SMAD3: variants seen among roughly 807,000 people sequenced by gnomAD.
SMAD3 encodes SMAD family member 3.
A neutral mutation model predicts 51.8 loss-of-function variants in SMAD3; 12 were observed. That is an observed-to-expected ratio of 0.23 (90% CI 0.15 to 0.38). The LOEUF is 0.38. SMAD3 is among the 10% of genes least tolerant of loss of function. The pLI is 1.00. For synonymous variants in SMAD3, 238 were observed against 227.7 expected (o/e 1.05, Z -0.41); for missense variants, 294 against 565.6 (o/e 0.52, Z 4.87).
At chr15:67,182,778 C>T (rs555047768) in intron 6 of SMAD3, among the ~76,000 whole-genome samples, 7 of 151,612 alleles carry the variant, frequency 4.6e-5, no homozygotes, top group Non-Finnish European at 7.4e-5. Flanking sequence ...GTTCCCATTT[C>T]GCTTTTTGTT....
intron 1 of SMAD3, among the ~76,000 whole-genome samples, chr15:67,131,722 T>G (rs1159341787): frequency 6.6e-6 from 1 of 152,126 alleles, no homozygotes; most frequent in Non-Finnish European, 1.5e-5. Flanking sequence ...CAGGGTTGAG[T>G]CCTGGTCCTC....
At chr15:67,084,706 C>T (rs1187906835) in intron 1 of SMAD3, among the ~76,000 whole-genome samples, 1 of 152,112 alleles carries the variant, frequency 6.6e-6, no homozygotes, top group African/African-American at 2.4e-5. Flanking sequence ...CCCTGAGAAC[C>T]GACTCCCAGG....
chr15:67,190,588 G>A lies in SMAD3; in HGVS notation c.*52G>A. ...AGGCTTGGGGAAAATGGCCATGCAG[G>A]AGGTGGAGAAAATTGGAACTCTACT... On this transcript the variant is annotated 3_prime_UTR_variant, in exon 9 of 9. Transcript: ENST00000327367. The A allele has an allele frequency of 6.3e-7, 1 of 1,597,072 alleles. No homozygotes were observed. Among genetic ancestry groups the A allele is most frequent in the Non-Finnish European group, 8.6e-7 (1 of 1,165,708 alleles).
intron 1 of SMAD3, chr15:67,142,764 C>T (rs1406400750): frequency 2.4e-6 from 1 of 412,888 alleles, no homozygotes; most frequent in Non-Finnish European, 4.9e-6. Context: ...TTGATCTCAA[C>T]ATTTCAAGGA....
In SMAD3 at chr15:67,170,006, T is replaced by G. The variant is rs553177331; in HGVS notation, c.608-548T>G. Among the ~76,000 whole-genome samples, 34 of 152,262 alleles carry G rather than the reference T, an allele frequency of 2.2e-4. 1 individual carries two copies. In the East Asian group the frequency reaches 6.6e-3, roughly 29 times the overall value. ...GAGTTGCAGGGTTTCTGAGGCAGGTTTGTGAGTTTCCTGAAATTGATCTTT... is the reference window on the plus strand; with the variant it reads ...GAGTTGCAGGGTTTCTGAGGCAGGTGTGTGAGTTTCCTGAAATTGATCTTT... On this transcript the variant is annotated intron_variant, in intron 4 of 8. Transcript: ENST00000327367.
chr15:67,076,631 G>C (rs905860753), intron 1 of SMAD3, among the ~76,000 whole-genome samples: 11 of 152,230 alleles, frequency 7.2e-5, no homozygotes. Flanking sequence ...CACGCTTCAA[G>C]AGTCATGCTT....
chr15:67,136,298 G>T (rs980477417), intron 1 of SMAD3, among the ~76,000 whole-genome samples: 1 of 151,550 alleles, frequency 6.6e-6, no homozygotes, highest in African/African-American at 2.4e-5. Flanking sequence ...AACCTTTCAT[G>T]TGAGGAAACA....
At chr15:67,168,401 C>G (rs1349072860) in intron 4 of SMAD3, among the ~76,000 whole-genome samples, 2 of 152,206 alleles carry the variant, frequency 1.3e-5, no homozygotes, top group Admixed American at 1.3e-4. Context: ...TGGAATGCAT[C>G]GAAGACCTTC....
At chr15:67,183,004 T>C (rs71400362) in intron 6 of SMAD3, among the ~76,000 whole-genome samples, 1 of 57,862 alleles carries the variant, frequency 1.7e-5, no homozygotes, top group East Asian at 5.1e-4. Flanking sequence ...AAAAAAAATA[T>C]ATATATATAT....
In SMAD3 at chr15:67,157,427, C is replaced by G. The variant is rs138204250; in HGVS notation, c.207-7468C>G. ...TATCAGCCCTGGTCTGGGTTTGAAT[C>G]CTGGCTCTGCCATTTACAAGTTATA... On this transcript the variant is annotated intron_variant, in intron 1 of 8. Coordinates refer to ENST00000327367, the MANE Select transcript of SMAD3 (RefSeq NM_005902.4). 2.0e-3 allele frequency among the ~76,000 whole-genome samples: 306 copies of G among 152,322 alleles called. 3 individuals carry two copies. Among genetic ancestry groups the G allele is most frequent in the African/African-American group, 7.2e-3 (299 of 41,580 alleles).
rs1963441857 is a variant in SMAD3 at position 67,194,162 on chromosome 15, C to T, written c.*3626C>T. The T allele has an allele frequency of 4.3e-6, 1 of 233,468 alleles. No homozygotes were observed. The highest frequency in any genetic ancestry group is 1.8e-4 in the South Asian group (1 of 5,532). 14.5% of individuals were successfully genotyped at this position (233,468 alleles called of 1,614,324 possible). A position where few individuals can be genotyped will look rare whatever the true frequency, so the allele number is the denominator to read the frequency against. On this transcript the variant is annotated 3_prime_UTR_variant, in exon 9 of 9. Transcript: ENST00000327367. Reference sequence around the variant, plus strand: ...GGAGTTCCCCCAAAATAAACGTGTCCCCATTTTACCAGAACCAAACCTCAA... The same window carrying T: ...GGAGTTCCCCCAAAATAAACGTGTCTCCATTTTACCAGAACCAAACCTCAA...
intron 4 of SMAD3, among the ~76,000 whole-genome samples, chr15:67,168,626 T>C (rs1206327495): frequency 6.6e-6 from 1 of 152,224 alleles, no homozygotes; most frequent in Non-Finnish European, 1.5e-5. Context: ...AGCCCAGATT[T>C]CACCCTGTCA....
At chr15:67,079,670 A>G (rs1056912177) in intron 1 of SMAD3, among the ~76,000 whole-genome samples, 28 of 152,148 alleles carry the variant, frequency 1.8e-4, no homozygotes, top group Non-Finnish European at 3.8e-4. Flanking sequence ...TTACTTACCT[A>G]CAGTACTCTG....
intron 1 of SMAD3, among the ~76,000 whole-genome samples, chr15:67,133,174 A>G (rs1371035380): frequency 3.3e-5 from 5 of 152,198 alleles, no homozygotes; most frequent in Admixed American, 2.6e-4. Context: ...TCTCCAGGCA[A>G]GTGGCTGTGA....
At chr15:67,067,187 C>T (rs1193516374) in intron 1 of SMAD3, among the ~76,000 whole-genome samples, 1 of 152,114 alleles carries the variant, frequency 6.6e-6, no homozygotes, top group African/African-American at 2.4e-5. Context: ...AAGTGGGCCT[C>T]GCATCGGCCC....
At chr15:67,102,271 G>T (rs571060438) in intron 1 of SMAD3, among the ~76,000 whole-genome samples, 1 of 64,162 alleles carries the variant, frequency 1.6e-5, no homozygotes, top group East Asian at 3.8e-4. Context: ...TGTGTGTGCG[G>T]TGTGTGTGTG....
intron 1 of SMAD3, among the ~76,000 whole-genome samples, chr15:67,128,867 G>A (rs1407772321): frequency 1.3e-5 from 2 of 152,134 alleles, no homozygotes; most frequent in African/African-American, 2.4e-5. Context: ...GAGCCACCAC[G>A]CTCAGCCTTC....
chr15:67,109,993 A>G (rs941281554), intron 1 of SMAD3, among the ~76,000 whole-genome samples: 2 of 152,226 alleles, frequency 1.3e-5, no homozygotes, highest in Non-Finnish European at 2.9e-5. Context: ...ACCCCAGCCC[A>G]TTAGTGATGT....
At chr15:67,127,810 A>G (rs1051415047) in intron 1 of SMAD3, among the ~76,000 whole-genome samples, 4 of 152,136 alleles carry the variant, frequency 2.6e-5, no homozygotes, top group Admixed American at 2.6e-4. Context: ...AAGTGCGTTC[A>G]TGTCCAAGGC....
Sources: allele counts gnomAD v4.1 joint callset (sites outside exome capture counted in the v4.1 genomes callset), GRCh38; gene constraint gnomAD v4.1.1; transcripts MANE v1.5; gene names NCBI Gene and HGNC (gene_info 2026-07-23, HGNC 2026-07-21).